Variants in FBXL14 observed in about 807,000 individuals in gnomAD.
FBXL14 encodes the protein F-box/LRR-repeat protein 14.
A neutral mutation model predicts 24.5 loss-of-function variants in FBXL14; 11 were observed. That is an observed-to-expected ratio of 0.45 (90% CI 0.28 to 0.74). The LOEUF (loss-of-function observed/expected upper bound fraction) is 0.74, where lower values mean the gene tolerates loss of function less well. FBXL14 is among the 30% of genes least tolerant of loss of function. FBXL14 has a pLI of 0.12. For missense variants in FBXL14, 384 were observed against 545.6 expected (o/e 0.70, Z 2.95); for synonymous variants, 294 against 240.4 (o/e 1.22, Z -2.06).
intron 1 of FBXL14, among the ~76,000 whole-genome samples, chr12:1,583,826 A>C (rs2094471552): frequency 2.0e-5 from 3 of 152,340 alleles, no homozygotes. Flanking sequence ...AAAGAAAAAC[A>C]CAAGGTCGGA....
Position 1,566,631 on chromosome 12 carries a change from GC to G in FBXL14, c.*116del. On this transcript the variant is annotated 3_prime_UTR_variant, in exon 2 of 2. Transcript: ENST00000339235. ...GCAGAAGCCCTGGGCAGCAGCCTCT[GC>G]CCGAGCAGTGACAGGCAGGGAAACC... The G allele has an allele frequency of 1.4e-6, 1 of 727,638 alleles. No individual in the cohort carries two copies. The highest frequency in any genetic ancestry group is 2.6e-6 in the Non-Finnish European group (1 of 391,002). 45.1% of individuals were successfully genotyped at this position (727,638 alleles called of 1,614,324 possible).
At chr12:1,566,858 C>T (rs762444820) in intron 1 of FBXL14, 48 bp from the exon 2 acceptor site, 11 of 778,242 alleles carry the variant, frequency 1.4e-5, no homozygotes, top group East Asian at 7.3e-5. Flanking sequence ...GACTGCCGCA[C>T]TCTGCTCTTC....
intron 1 of FBXL14, among the ~76,000 whole-genome samples, chr12:1,588,461 C>A (rs78455208): frequency 0.011 from 1,671 of 152,206 alleles, 29 homozygotes; most frequent in African/African-American, 0.038. Context: ...AGAACATGAT[C>A]GGTTCGAGTT....
rs1328020250 is a variant in FBXL14 at position 1,567,881 on chromosome 12, G to GCACACGCGCGCA, written c.1195-1083_1195-1072dup. 6.6e-6 allele frequency among the ~76,000 whole-genome samples: 1 copy of GCACACGCGCGCA among 152,132 alleles called. No homozygotes were observed. The highest frequency in any genetic ancestry group is 1.5e-5 in the Non-Finnish European group (1 of 68,006). On this transcript the variant is annotated intron_variant, in intron 1 of 1. Transcript: ENST00000339235. The surrounding 1 kb of genome is among the most constrained non-coding windows in gnomAD (Gnocchi z 4.8). The stretch of plus-strand genomic sequence containing the variant: ...AAGGGAAAAGAAAACCCACCCACAC[G>GCACACGCGCGCA]CACACGCGCGCACACACGTGCGCAC...
In FBXL14 at chr12:1,594,408, G is replaced by A. The variant is rs1342372201; in HGVS notation, c.-342C>T. On this transcript the variant is annotated 5_prime_UTR_variant, in exon 1 of 2. Transcript: ENST00000339235. ...CTCGGCTCTACCCACGCCGCGCCCG[G>A]GCCGCGCCGCTCCGCCCGCGCCGCC... Among the ~76,000 whole-genome samples the A allele has an allele frequency of 6.9e-6, 1 of 145,176 alleles. No individual in the cohort carries two copies. The highest frequency in any genetic ancestry group is 2.0e-4 in the East Asian group (1 of 5,038).
intron 1 of FBXL14, among the ~76,000 whole-genome samples, chr12:1,573,823 G>A (rs541963495): frequency 2.0e-5 from 3 of 152,172 alleles, no homozygotes; most frequent in East Asian, 1.9e-4. Context: ...TGACCAACAT[G>A]GAGAAACCTT....
At chr12:1,592,057 A>G (rs1316529674) in intron 1 of FBXL14, among the ~76,000 whole-genome samples, 1 of 151,980 alleles carries the variant, frequency 6.6e-6, no homozygotes, top group East Asian at 1.9e-4. Context: ...AGCCAACACA[A>G]AAAGACGGAC....
At chr12:1,570,810 T>G (rs1565581428) in intron 1 of FBXL14, among the ~76,000 whole-genome samples, 1 of 152,126 alleles carries the variant, frequency 6.6e-6, no homozygotes. Context: ...GTAGTAATTC[T>G]CCTCGGCCTC....
intron 1 of FBXL14, among the ~76,000 whole-genome samples, chr12:1,588,623 C>T (rs2154438289): frequency 6.6e-6 from 1 of 152,244 alleles, no homozygotes; most frequent in Non-Finnish European, 1.5e-5. Flanking sequence ...GGGCTACACA[C>T]AATGACACTT....
intron 1 of FBXL14, among the ~76,000 whole-genome samples, chr12:1,570,442 G>T (rs962154683): frequency 6.6e-6 from 1 of 152,182 alleles, no homozygotes. Flanking sequence ...CGCAAAAAAA[G>T]TGCAGGAGCT....
intron 1 of FBXL14, among the ~76,000 whole-genome samples, chr12:1,580,080 T>G (rs118068843): frequency 1.2e-4 from 19 of 152,314 alleles, no homozygotes; most frequent in Non-Finnish European, 2.5e-4. Flanking sequence ...TGCCCCAAGA[T>G]TAAACATTAG....
At chr12:1,568,343 CTT>C (rs1441068162) in intron 1 of FBXL14, among the ~76,000 whole-genome samples, 3 of 152,120 alleles carry the variant, frequency 2.0e-5, no homozygotes, top group Admixed American at 2.0e-4. Context: ...AGAATAAAGA[CTT>C]TTTCAGACAA....
intron 1 of FBXL14, among the ~76,000 whole-genome samples, chr12:1,591,994 T>G (rs528008215): frequency 6.6e-6 from 1 of 151,896 alleles, no homozygotes; most frequent in Admixed American, 6.6e-5. Flanking sequence ...AAAAAGGAAA[T>G]TATAGCCAGA....
At chr12:1,577,431 A>T (rs1264114491) in intron 1 of FBXL14, among the ~76,000 whole-genome samples, 1 of 152,042 alleles carries the variant, frequency 6.6e-6, no homozygotes, top group Non-Finnish European at 1.5e-5. Context: ...AGGATTTAAA[A>T]AAAAAAAAGG....
At chr12:1,582,302 A>G (rs1292164190) in intron 1 of FBXL14, among the ~76,000 whole-genome samples, 1 of 152,244 alleles carries the variant, frequency 6.6e-6, no homozygotes, top group African/African-American at 2.4e-5. Context: ...CTTGGAGGCT[A>G]TGAATCAAGG....
Position 1,594,156 on chromosome 12 carries a change from A to AGCT in FBXL14, c.-91_-90insAGC. The AGCT allele has an allele frequency of 7.2e-6, 4 of 555,492 alleles. No homozygotes were observed. In the Middle Eastern group the frequency reaches 2.3e-3, roughly 321 times the overall value. The allele number at this position is 555,492 out of a possible 1,614,324, so 34.4% of individuals were successfully genotyped here. ...GCAGGCGACGAGAGCGCTTCTCCCCAGCCGCCGCCGCCGCCGCCGCCGCCG... is the reference window on the plus strand; with the variant it reads ...GCAGGCGACGAGAGCGCTTCTCCCCAGCTGCCGCCGCCGCCGCCGCCGCCGCCG... On this transcript the variant is annotated 5_prime_UTR_variant, in exon 1 of 2. Coordinates refer to ENST00000339235, the MANE Select transcript of FBXL14 (RefSeq NM_152441.3).
intron 1 of FBXL14, among the ~76,000 whole-genome samples, chr12:1,570,869 T>C (rs1424247201): frequency 6.6e-6 from 1 of 152,136 alleles, no homozygotes; most frequent in African/African-American, 2.4e-5. Context: ...GTGGTCATGA[T>C]GGGAGGAGCA....
chr12:1,574,913 A>ATTTTT lies in FBXL14; in HGVS notation c.1195-8104_1195-8103insAAAAA, dbSNP rs1565583486. 398 of 144,152 alleles carry ATTTTT rather than the reference A, an allele frequency of 2.8e-3. 1 individual carries two copies. Among genetic ancestry groups the ATTTTT allele is most frequent in the African/African-American group, 8.7e-3 (324 of 37,100 alleles). The allele number at this position is 144,152 out of a possible 1,614,324, so 8.9% of individuals were successfully genotyped here. On this transcript the variant is annotated intron_variant, in intron 1 of 1. Coordinates refer to ENST00000339235, the MANE Select transcript of FBXL14 (RefSeq NM_152441.3). ...TGAGAAGTTAGGAGCTTTTTTTAAAAAAAAAAATTATCTTTGATAAATTTA... is the reference window on the plus strand; with the variant it reads ...TGAGAAGTTAGGAGCTTTTTTTAAAATTTTTAAAAAAATTATCTTTGATAAATTTA...
chr12:1,585,315 G>A lies in FBXL14; in HGVS notation c.1194+7558C>T, dbSNP rs372704159. On this transcript the variant is annotated intron_variant, in intron 1 of 1. Coordinates refer to ENST00000339235, the MANE Select transcript of FBXL14 (RefSeq NM_152441.3). ...CGGGAGGCTGAGCCAGGAGAATGGC[G>A]TGAACCCGGGAGGCAGAGCTTGCAG... Among the ~76,000 whole-genome samples the A allele has an allele frequency of 1.1e-4, 17 of 152,062 alleles. No homozygotes were observed. In the East Asian group the frequency reaches 2.3e-3, roughly 21 times the overall value.
Sources: gnomAD v4.1 joint callset for allele counts (sites outside exome capture counted in the v4.1 genomes callset) on GRCh38, gnomAD v4.1.1 for gene constraint, Gnocchi (gnomAD v3.1) non-coding constraint, MANE v1.5 for transcripts, NCBI Gene and HGNC (gene_info 2026-07-23, HGNC 2026-07-21) for gene names.